The following AP1G1 variants were observed in gnomAD, a reference collection of about 807,000 sequenced individuals.
AP1G1 encodes adaptor related protein complex 1 subunit gamma 1.
AP1G1 carries 7 observed loss-of-function variants against 108.3 expected under a neutral mutation model. The observed-to-expected ratio is 0.06, with a 90% CI of 0.04 to 0.12. The LOEUF (loss-of-function observed/expected upper bound fraction) is 0.12. AP1G1 is among the 10% of genes least tolerant of loss of function. The pLI is 1.00. For missense variants in AP1G1, 756 were observed against 1,010.7 expected, an observed-to-expected ratio of 0.75 and a Z score of 3.42; for synonymous variants, 379 against 353.5, an observed-to-expected ratio of 1.07 and a Z score of -0.81.
intron 16 of AP1G1, among the ~76,000 whole-genome samples, chr16:71,747,647 TAAAAA>T (rs1411548124): frequency 6.6e-6 from 1 of 150,830 alleles, no homozygotes; most frequent in African/African-American, 2.4e-5. Flanking sequence ...ATTCTCAACT[TAAAAA>T]GAAAAAAAAA....
chr16:71,792,271 G>T (rs750246154), intron 1 of AP1G1, among the ~76,000 whole-genome samples: 5 of 152,090 alleles, frequency 3.3e-5, no homozygotes, highest in Non-Finnish European at 7.4e-5. Flanking sequence ...ACACAGGCAG[G>T]TCAAAAAAGC....
intron 9 of AP1G1, 76 bp downstream of exon 9, chr16:71,764,274 C>G (rs1426487031): frequency 1.3e-6 from 1 of 778,732 alleles, no homozygotes; most frequent in African/African-American, 1.8e-5. Flanking sequence ...GAATACAATT[C>G]TGAAGTACTG....
chr16:71,788,472 T>C (rs988199031), intron 2 of AP1G1, among the ~76,000 whole-genome samples: 5 of 152,104 alleles, frequency 3.3e-5, no homozygotes, highest in Non-Finnish European at 7.4e-5. Context: ...TAGTAACCAT[T>C]TGTGCATGGG....
At chr16:71,808,058 CG>C in intron 1 of AP1G1, 1 of 1,177,438 alleles carries the variant, frequency 8.5e-7, no homozygotes, top group Non-Finnish European at 1.1e-6. Flanking sequence ...GAGTCCTAAC[CG>C]GGAAACACAA....
At chr16:71,753,970 T>G in intron 12 of AP1G1, 83 bp from the exon 13 acceptor site, 1 of 1,318,478 alleles carries the variant, frequency 7.6e-7, no homozygotes, top group Non-Finnish European at 1.1e-6. Context: ...CCAAGCAGGG[T>G]GACTCACACC....
Position 71,765,546 on chromosome 16 carries a change from G to A in AP1G1, c.681C>T (p.Ile227=), listed in dbSNP as rs2031277351. The A allele has an allele frequency of 6.2e-7, 1 of 1,613,508 alleles. No homozygotes were observed. The highest frequency in any genetic ancestry group is 1.3e-5 in the African/African-American group (1 of 74,884). ...CATGTTCTGGTGAATATCCGGACATGATGAGGTTCTTTAAAATACGAACTA... is the reference window on the plus strand; with the variant it reads ...CATGTTCTGGTGAATATCCGGACATAATGAGGTTCTTTAAAATACGAACTA... ...PQLVRILKNL[I]MSGYSPEHDV... The change falls in exon 7 of 23, where the codon ATC becomes ATT. Residue 227 remains isoleucine (I), a synonymous_variant. Transcript: ENST00000299980.
intron 6 of AP1G1, among the ~76,000 whole-genome samples, chr16:71,768,873 G>A (rs746632469): frequency 1.4e-4 from 19 of 131,368 alleles, no homozygotes; most frequent in South Asian, 2.5e-4. Context: ...AGCCAAGATC[G>A]CGCCACTGCA....
intron 1 of AP1G1, among the ~76,000 whole-genome samples, chr16:71,799,922 T>TAAAAAA (rs2032723887): frequency 2.0e-5 from 3 of 147,122 alleles, no homozygotes; most frequent in Non-Finnish European, 4.5e-5. Context: ...ATAATAATAA[T>TAAAAAA]AATAAAAAAT....
At chr16:71,807,891 G>A (rs1367718076) in intron 1 of AP1G1, 1 of 1,282,856 alleles carries the variant, frequency 7.8e-7, no homozygotes, top group Admixed American at 2.3e-5. Flanking sequence ...GTGTCAGTAA[G>A]CACCAAAAAG....
intron 1 of AP1G1, among the ~76,000 whole-genome samples, chr16:71,802,567 T>G (rs957858082): frequency 1.3e-5 from 2 of 151,962 alleles, no homozygotes; most frequent in Middle Eastern, 3.2e-3. Flanking sequence ...CCATCTCTAC[T>G]AAAAGTACAA....
intron 1 of AP1G1, among the ~76,000 whole-genome samples, chr16:71,801,736 C>A (rs1567666291): frequency 1.3e-5 from 2 of 152,188 alleles, no homozygotes; most frequent in Middle Eastern, 3.4e-3. Flanking sequence ...TCCTGGCTAA[C>A]ATGGTGAAAG....
At chr16:71,746,781 G>A (rs2030204234) in intron 16 of AP1G1, 89 bp from the exon 17 acceptor site, 2 of 901,110 alleles carry the variant, frequency 2.2e-6, no homozygotes, top group East Asian at 2.6e-5. Flanking sequence ...GAATTTTCTG[G>A]TTAAAATACT....
At chr16:71,773,473 T>A (rs963426761) in intron 3 of AP1G1, 111 bp from the exon 4 acceptor site, 1 of 1,081,512 alleles carries the variant, frequency 9.2e-7, no homozygotes, top group Non-Finnish European at 1.3e-6. Flanking sequence ...ACAAAAACAA[T>A]AGGATTATTT....
intron 1 of AP1G1, among the ~76,000 whole-genome samples, chr16:71,800,517 T>C (rs904072533): frequency 1.3e-5 from 2 of 150,982 alleles, no homozygotes; most frequent in Admixed American, 1.3e-4. Context: ...CCCCCCCGTC[T>C]CGGGTCGGGT....
intron 2 of AP1G1, among the ~76,000 whole-genome samples, chr16:71,786,367 T>C (rs2032202875): frequency 6.6e-6 from 1 of 152,158 alleles, no homozygotes; most frequent in African/African-American, 2.4e-5. Context: ...GGCTTACACC[T>C]ATAATCACAG....
At chr16:71,794,394 G>A (rs545929185) in intron 1 of AP1G1, among the ~76,000 whole-genome samples, 2 of 151,906 alleles carry the variant, frequency 1.3e-5, no homozygotes, top group Non-Finnish European at 2.9e-5. Context: ...TTTTTTTAAA[G>A]CAAATAATAA....
rs766353180 is a variant in AP1G1, at chr16:71,733,099, G to T, written c.2428C>A (p.Leu810Ile). 6.2e-7 allele frequency: 1 copy of T among 1,614,148 alleles called. No individual in the cohort carries two copies. Among genetic ancestry groups the T allele is most frequent in the Non-Finnish European group, 8.5e-7 (1 of 1,180,000 alleles). The change falls in exon 23 of 23, where the codon CTA (leucine) becomes ATA (isoleucine). Residue 810 changes from leucine (L) to isoleucine (I), a missense_variant. This residue lies in a region of AP1G1 where 95 missense variants were observed against 160.5 expected (regional missense o/e 0.59). Transcript: ENST00000299980. ...GGGGGAAAGTTGTTCACCTCTGCTAGATCTTGCATTGCTGAGCCCTTGTGA... is the reference window on the plus strand; with the variant it reads ...GGGGGAAAGTTGTTCACCTCTGCTATATCTTGCATTGCTGAGCCCTTGTGA... ...YNHKGSAMQD[L>I]AEVNNFPPQS...
At chr16:71,736,649 G>T (rs2045550618) in intron 21 of AP1G1, among the ~76,000 whole-genome samples, 1 of 150,050 alleles carries the variant, frequency 6.7e-6, no homozygotes, top group Non-Finnish European at 1.5e-5. Flanking sequence ...CCAGTGGGGT[G>T]ATCTCGGCTC....
intron 13 of AP1G1, among the ~76,000 whole-genome samples, chr16:71,752,536 C>T (rs1304913889): frequency 6.6e-6 from 1 of 152,046 alleles, no homozygotes; most frequent in African/African-American, 2.4e-5. Context: ...TACTTAATCC[C>T]CATTTGGGGA....
Sources: gnomAD v4.1 joint callset for allele counts (sites outside exome capture counted in the v4.1 genomes callset) on GRCh38, gnomAD v4.1.1 for gene constraint, gnomAD v4.1.1 regional missense constraint, MANE v1.5 for transcripts, NCBI Gene and HGNC (gene_info 2026-07-23, HGNC 2026-07-21) for gene names.